Variants in DRICH1 observed in about 807,000 individuals in gnomAD.
The protein encoded by DRICH1 is aspartate-rich protein 1.
DRICH1 carries 38 observed loss-of-function variants against 39.5 expected under a neutral mutation model. That is an observed-to-expected ratio of 0.96 (90% CI 0.74 to 1.26). The LOEUF (loss-of-function observed/expected upper bound fraction) is 1.26, where lower values mean the gene tolerates loss of function less well. DRICH1 is among the 50% of genes most tolerant of loss of function. The probability of loss-of-function intolerance (pLI) is 0.00; values close to 1 mark genes in which losing one functional copy is unlikely to be tolerated. For missense variants in DRICH1, 279 were observed against 270.4 expected (o/e 1.03, Z -0.22); for synonymous variants, 84 against 99.5 (o/e 0.84, Z 0.93).
chr22:23,620,497 AC>A, intron 5 of DRICH1, 96 bp downstream of exon 5: 1 of 1,357,964 alleles, frequency 7.4e-7, no homozygotes. Flanking sequence ...CTCTCACCAC[AC>A]CCCCAATATT....
At chr22:23,598,117 A>C in the DRICH1 span, among the ~76,000 whole-genome samples, 29 of 122,498 alleles carry the variant, frequency 2.4e-4, no homozygotes, top group African/African-American at 5.7e-4. Flanking sequence ...CCTGGCCCCC[A>C]CCCTACTCTC....
the DRICH1 span, among the ~76,000 whole-genome samples, chr22:23,597,534 A>G: frequency 2.4e-3 from 370 of 151,368 alleles, 1 homozygote; most frequent in African/African-American, 8.2e-3. Flanking sequence ...AAAGAAAAGA[A>G]AAGTACATAA....
At chr22:23,628,829 C>T (rs1928228466) in intron 1 of DRICH1, among the ~76,000 whole-genome samples, 1 of 152,096 alleles carries the variant, frequency 6.6e-6, no homozygotes, top group Admixed American at 6.5e-5. Context: ...CAATTTCTGC[C>T]AGTGTCAACG....
chr22:23,588,394 G>A, the DRICH1 span, among the ~76,000 whole-genome samples: 1 of 152,196 alleles, frequency 6.6e-6, no homozygotes, highest in African/African-American at 2.4e-5. Context: ...CCAAAGTGCT[G>A]GGATCACAGG....
intron 2 of DRICH1, among the ~76,000 whole-genome samples, chr22:23,625,306 T>C (rs1485977834): frequency 6.6e-6 from 1 of 152,120 alleles, no homozygotes; most frequent in African/African-American, 2.4e-5. Flanking sequence ...TTGTTATATT[T>C]TTATATCAAA....
intron 3 of DRICH1, chr22:23,624,077 C>T: frequency 1.0e-6 from 1 of 985,300 alleles, no homozygotes; most frequent in Non-Finnish European, 1.2e-6. Context: ...TCATTCTGTC[C>T]TCCACACTCA....
intron 6 of DRICH1, among the ~76,000 whole-genome samples, chr22:23,618,791 A>C (rs1346044999): frequency 1.3e-5 from 2 of 152,224 alleles, no homozygotes; most frequent in East Asian, 3.8e-4. Context: ...AATGTCCATG[A>C]GTACGGGGGT....
At chr22:23,610,403 G>A (rs1395814578) in intron 11 of DRICH1, 1 of 152,250 alleles carries the variant, frequency 6.6e-6, no homozygotes, top group Non-Finnish European at 1.5e-5. Context: ...AGACCAGTGA[G>A]GGAAACTGGA....
intron 5 of DRICH1, among the ~76,000 whole-genome samples, chr22:23,619,645 G>A (rs1258501712): frequency 6.6e-6 from 1 of 152,180 alleles, no homozygotes; most frequent in Non-Finnish European, 1.5e-5. Flanking sequence ...AATACACAAT[G>A]GGGAAAGGAA....
At chr22:23,596,673 T>A in the DRICH1 span, among the ~76,000 whole-genome samples, 1 of 152,224 alleles carries the variant, frequency 6.6e-6, no homozygotes, top group South Asian at 2.1e-4. Context: ...TTTTATATAT[T>A]CCTGAATTCA....
At chr22:23,624,356 A>AAACACAGGATACTCAAT (rs1257529597) in intron 3 of DRICH1, 1 of 984,314 alleles carries the variant, frequency 1.0e-6, no homozygotes, top group Non-Finnish European at 1.2e-6. Flanking sequence ...AAATGATCAA[A>AAACACAGGATACTCAAT]AACACAGGAT....
At chr22:23,607,906 C>T (rs1602325578), downstream of DRICH1, among the ~76,000 whole-genome samples, 2 of 152,250 alleles carry the variant, frequency 1.3e-5, no homozygotes, top group East Asian at 3.9e-4. Context: ...CCAAAGGTCA[C>T]AGCAGGGGAG....
At chr22:23,625,415 A>T (rs1023459983) in intron 2 of DRICH1, among the ~76,000 whole-genome samples, 6 of 151,924 alleles carry the variant, frequency 3.9e-5, no homozygotes, top group African/African-American at 1.5e-4. Context: ...CAGCAAAAAA[A>T]CAGAAGAAAT....
the DRICH1 span, among the ~76,000 whole-genome samples, chr22:23,592,907 C>A: frequency 1.1e-4 from 17 of 150,190 alleles, no homozygotes; most frequent in African/African-American, 4.2e-4. Flanking sequence ...TGGCACACAC[C>A]TGTAATCCCA....
At chr22:23,591,993 G>T in the DRICH1 span, among the ~76,000 whole-genome samples, 1 of 152,166 alleles carries the variant, frequency 6.6e-6, no homozygotes, top group Non-Finnish European at 1.5e-5. Flanking sequence ...CATGGGAATA[G>T]GACTCCCCCA....
At chr22:23,625,793 G>A (rs1175093905) in intron 2 of DRICH1, among the ~76,000 whole-genome samples, 188 bp downstream of exon 2, 5 of 152,080 alleles carry the variant, frequency 3.3e-5, no homozygotes, top group East Asian at 1.9e-4. Context: ...CTGCACACTC[G>A]GGGATAAATT....
At chr22:23,593,980 A>AAAAAAAAGAAG in the DRICH1 span, among the ~76,000 whole-genome samples, 8 of 137,160 alleles carry the variant, frequency 5.8e-5, no homozygotes, top group African/African-American at 1.4e-4. Flanking sequence ...TCTGTCTCAA[A>AAAAAAAAGAAG]AAAAAAAAAA....
At chr22:23,592,970 T>C in the DRICH1 span, among the ~76,000 whole-genome samples, 2 of 151,022 alleles carry the variant, frequency 1.3e-5, no homozygotes, top group Non-Finnish European at 2.9e-5. Context: ...AGGTGGAGGT[T>C]GCAGTGAGCC....
At position 23,625,976 on chromosome 22, in the gene DRICH1, C is replaced by T. The variant is rs749806495; in HGVS notation, c.276+5G>A. The T allele has an allele frequency of 1.2e-6, 2 of 1,607,358 alleles. No individual in the cohort carries two copies. The highest frequency in any genetic ancestry group is 1.1e-5 in the South Asian group (1 of 87,938). The stretch of plus-strand genomic sequence containing the variant: ...TCCTTAGAAGGCAAAGAAAGGGGGT[C>T]TTACCTTGGCATCATCATTGTCTTC... On this transcript the variant is annotated splice_donor_5th_base_variant and intron_variant, in intron 2 of 11. Coordinates refer to ENST00000317749, the MANE Select transcript of DRICH1 (RefSeq NM_016449.4).
Sources: gnomAD v4.1 joint callset for allele counts (sites outside exome capture counted in the v4.1 genomes callset) on GRCh38, gnomAD v4.1.1 for gene constraint, MANE v1.5 for transcripts, NCBI Gene and HGNC (gene_info 2026-07-23, HGNC 2026-07-21) for gene names.